The following PDE5A variants were observed in gnomAD, a reference collection of about 807,000 sequenced individuals.
PDE5A encodes the protein phosphodiesterase 5A.
A neutral mutation model predicts 110.2 loss-of-function variants in PDE5A; 67 were observed. The observed-to-expected ratio is 0.61, with a 90% CI of 0.50 to 0.75. The LOEUF is 0.75. Ranked by LOEUF, PDE5A falls within the 30% of genes least tolerant of loss-of-function variation. The pLI is 0.00. For missense variants in PDE5A, 862 were observed against 1,045.1 expected, an observed-to-expected ratio of 0.82 and a Z score of 2.42; for synonymous variants, 328 against 351.2, an observed-to-expected ratio of 0.93 and a Z score of 0.74.
intron 3 of PDE5A, among the ~76,000 whole-genome samples, chr4:119,590,796 T>C (rs1728937690): frequency 6.6e-6 from 1 of 152,244 alleles, no homozygotes; most frequent in Non-Finnish European, 1.5e-5. Context: ...CGGCCTATGT[T>C]ATAATTCAGA....
intron 1 of PDE5A, among the ~76,000 whole-genome samples, chr4:119,626,693 T>C (rs1423203221): frequency 1.3e-5 from 2 of 151,924 alleles, no homozygotes; most frequent in Non-Finnish European, 2.9e-5. Context: ...TAGACCTCCA[T>C]GGCCTTAGTG....
Position 119,542,513 on chromosome 4 carries a change from C to T in PDE5A, c.1518G>A (p.Thr506=), listed in dbSNP as rs200970299. ...VIFCGLGIQN[T]QMYEAVERAM... ...CTCTCTCCACTGCTTCATACATCTG[C>T]GTGTTCTGGATCCCCAAGCCACAAA... is the stretch of plus-strand genomic sequence containing the variant. The change falls in exon 10 of 21, where the codon ACG becomes ACA. Residue 506 remains threonine, a synonymous_variant. Coordinates refer to ENST00000354960, the MANE Select transcript of PDE5A (RefSeq NM_001083.4). The T allele has an allele frequency of 1.7e-5, 28 of 1,613,820 alleles. No individual in the cohort carries two copies. The East Asian group carries it at 1.8e-4, about 10-fold the overall frequency.
chr4:119,586,265 T>G (rs1728762640), intron 3 of PDE5A, among the ~76,000 whole-genome samples: 2 of 152,222 alleles, frequency 1.3e-5, no homozygotes, highest in Non-Finnish European at 2.9e-5. Flanking sequence ...TTAAAAATTT[T>G]TGTAAGATCC....
Position 119,503,890 on chromosome 4 carries a change from C to CA in PDE5A, c.2331+645dup, listed in dbSNP as rs924698759. On this transcript the variant is annotated intron_variant, in intron 18 of 20. Coordinates refer to ENST00000354960, the MANE Select transcript of PDE5A (RefSeq NM_001083.4). ...TGTTTTTAATACTACTTAAAAATTC[C>CA]AAAAAAAATTCCATACTTACTTCAG... is the stretch of plus-strand genomic sequence containing the variant. Among the ~76,000 whole-genome samples the CA allele has an allele frequency of 7.9e-5, 12 of 151,632 alleles. 1 individual carries two copies. Among genetic ancestry groups the CA allele is most frequent in the South Asian group, 6.2e-4 (3 of 4,812 alleles).
chr4:119,595,161 GA>G (rs1398512645), intron 3 of PDE5A, among the ~76,000 whole-genome samples: 1 of 152,100 alleles, frequency 6.6e-6, no homozygotes. Flanking sequence ...ACATTCTAAT[GA>G]AAAAAATCAA....
chr4:119,539,073 G>T, intron 10 of PDE5A, 54 bp from the exon 11 acceptor site: 1 of 1,296,456 alleles, frequency 7.7e-7, no homozygotes, highest in Non-Finnish European at 1.1e-6. Flanking sequence ...ACCACATGTA[G>T]ACTAGAACTT....
chr4:119,570,165 C>G (rs1429686805), intron 3 of PDE5A, among the ~76,000 whole-genome samples: 1 of 152,208 alleles, frequency 6.6e-6, no homozygotes, highest in Non-Finnish European at 1.5e-5. Flanking sequence ...GGATCCTGAG[C>G]AAAACTGGCA....
intron 1 of PDE5A, among the ~76,000 whole-genome samples, chr4:119,623,164 C>T (rs147417384): frequency 6.6e-6 from 1 of 152,262 alleles, no homozygotes; most frequent in African/African-American, 2.4e-5. Context: ...ATGTGGCTCA[C>T]AGGCACTTTT....
At chr4:119,498,993 G>C (rs1346563923) in intron 20 of PDE5A, among the ~76,000 whole-genome samples, 2 of 152,226 alleles carry the variant, frequency 1.3e-5, no homozygotes, top group Non-Finnish European at 2.9e-5. Context: ...TAGGGAGACA[G>C]ATCTGTGTGG....
At position 119,542,650 on chromosome 4, in the gene PDE5A, A is replaced by T; in HGVS notation, c.1397-16T>A. 6.2e-7 allele frequency: 1 copy of T among 1,605,296 alleles called. No individual in the cohort carries two copies. The highest frequency in any genetic ancestry group is 8.5e-7 in the Non-Finnish European group (1 of 1,172,826). ...TGGCAAACCCCTATAACAATCCGAG[A>T]AATTGAGCAAATGTTATTGTTGATT... On this transcript the variant is annotated splice_polypyrimidine_tract_variant and intron_variant, in intron 9 of 20. Coordinates refer to ENST00000354960, the MANE Select transcript of PDE5A (RefSeq NM_001083.4).
At chr4:119,563,574 G>A (rs895324038) in intron 5 of PDE5A, among the ~76,000 whole-genome samples, 3 of 152,062 alleles carry the variant, frequency 2.0e-5, no homozygotes, top group African/African-American at 7.2e-5. Context: ...AATCATTCAG[G>A]TGAAATAGGG....
rs1035884726 is a variant in PDE5A at position 119,525,532 on chromosome 4, T to C, written c.1779+17A>G. The stretch of plus-strand genomic sequence containing the variant: ...CATACACATAGACTTTTCCAAAGGA[T>C]GTTGCTGCATTCCTACCTCATGTTT... On this transcript the variant is annotated intron_variant, in intron 12 of 20. Coordinates refer to ENST00000354960, the MANE Select transcript of PDE5A (RefSeq NM_001083.4). This position sits in a 1 kb window ranked among gnomAD's most constrained non-coding sequence, Gnocchi z 4.3. 6.2e-7 allele frequency: 1 copy of C among 1,610,834 alleles called. No individual in the cohort carries two copies. Among genetic ancestry groups the C allele is most frequent in the Non-Finnish European group, 8.5e-7 (1 of 1,177,908 alleles).
At chr4:119,617,046 T>C (rs1729967819) in intron 1 of PDE5A, among the ~76,000 whole-genome samples, 1 of 152,064 alleles carries the variant, frequency 6.6e-6, no homozygotes, top group African/African-American at 2.4e-5. Flanking sequence ...CATCTCATAG[T>C]CTCTAAAAAG....
intron 3 of PDE5A, among the ~76,000 whole-genome samples, chr4:119,577,537 C>T (rs1392859237): frequency 1.3e-5 from 2 of 152,136 alleles, no homozygotes; most frequent in Non-Finnish European, 2.9e-5. Flanking sequence ...TCAACATATG[C>T]AAATCAATAA....
At chr4:119,600,932 A>T (rs978574720) in intron 2 of PDE5A, among the ~76,000 whole-genome samples, 3 of 152,200 alleles carry the variant, frequency 2.0e-5, no homozygotes, top group Non-Finnish European at 2.9e-5. Context: ...ATATCACTTT[A>T]AAAAAGTTAT....
chr4:119,533,606 A>G (rs546813099), intron 11 of PDE5A, among the ~76,000 whole-genome samples: 2 of 152,288 alleles, frequency 1.3e-5, no homozygotes, highest in South Asian at 2.1e-4. Flanking sequence ...GGACTGGACT[A>G]GTATATTTTC....
chr4:119,557,593 T>C (rs1435814764), intron 7 of PDE5A, among the ~76,000 whole-genome samples: 3 of 151,908 alleles, frequency 2.0e-5, no homozygotes, highest in Non-Finnish European at 2.9e-5. Context: ...AAAAAAAAAA[T>C]CAAAGAGACA....
In PDE5A at chr4:119,521,025, A is replaced by ATTC; in HGVS notation, c.1812_1814dup (p.Lys604dup). The ATTC allele has an allele frequency of 6.2e-7, 1 of 1,612,926 alleles. No homozygotes were observed. The highest frequency in any genetic ancestry group is 8.5e-7 in the Non-Finnish European group (1 of 1,179,098). On this transcript the variant is annotated inframe_insertion, in exon 13 of 21. Coordinates refer to ENST00000354960, the MANE Select transcript of PDE5A (RefSeq NM_001083.4). ...TATGATAGGCAACATTCTTCCGATA[A>ATTC]TTCTTCTTAACACTTAAAATCCATC...
At chr4:119,558,649 A>C (rs907348240) in intron 7 of PDE5A, among the ~76,000 whole-genome samples, 1 of 152,182 alleles carries the variant, frequency 6.6e-6, no homozygotes, top group African/African-American at 2.4e-5. Flanking sequence ...CCTGTTACCT[A>C]ATTTTTATTA....
Sources: allele counts gnomAD v4.1 joint callset (sites outside exome capture counted in the v4.1 genomes callset), GRCh38; gene constraint gnomAD v4.1.1; non-coding constraint Gnocchi (gnomAD v3.1); transcripts MANE v1.5; gene names NCBI Gene and HGNC (gene_info 2026-07-23, HGNC 2026-07-21).